The following GNG7 variants were observed in gnomAD, a reference collection of about 807,000 sequenced individuals.
The protein encoded by GNG7 is G protein subunit gamma 7, also known as guanine nucleotide-binding protein G(I)/G(S)/G(O) subunit gamma-7.
A neutral mutation model predicts 4.0 loss-of-function variants in GNG7; 1 was observed. That is an observed-to-expected ratio of 0.25 (90% CI 0.09 to 1.18). The LOEUF (loss-of-function observed/expected upper bound fraction) is 1.18, where lower values mean the gene tolerates loss of function less well. GNG7 is among the 50% of genes most tolerant of loss of function. GNG7 has a pLI of 0.50. For synonymous variants in GNG7, 34 were observed against 36.9 expected, an observed-to-expected ratio of 0.92 and a Z score of 0.29; for missense variants, 86 against 91.9, an observed-to-expected ratio of 0.94 and a Z score of 0.26.
intron 3 of GNG7, among the ~76,000 whole-genome samples, chr19:2,547,221 G>A (rs1979158947): frequency 6.6e-6 from 1 of 152,070 alleles, no homozygotes; most frequent in African/African-American, 2.4e-5. Flanking sequence ...GACGTTCGTT[G>A]TGTCCTGTGA....
At chr19:2,539,754 G>A (rs955875619) in intron 3 of GNG7, among the ~76,000 whole-genome samples, 4 of 152,082 alleles carry the variant, frequency 2.6e-5, no homozygotes, top group African/African-American at 7.2e-5. Flanking sequence ...AAGGGTTTAG[G>A]GAGAACAACC....
intron 2 of GNG7, among the ~76,000 whole-genome samples, chr19:2,625,015 C>T (rs62123738): frequency 0.071 from 10,788 of 152,274 alleles, 445 homozygotes; most frequent in African/African-American, 0.12. Flanking sequence ...GGTTTACCTC[C>T]CTGGGGGCTC....
In GNG7 at chr19:2,614,688, C is replaced by T. The variant is rs1005738727; in HGVS notation, c.-78+31536G>A. Among the ~76,000 whole-genome samples the T allele has an allele frequency of 5.9e-5, 9 of 152,184 alleles. No homozygotes were observed. Among genetic ancestry groups the T allele is most frequent in the South Asian group, 2.1e-4 (1 of 4,834 alleles). The stretch of plus-strand genomic sequence containing the variant: ...GCCACGCTGTTTATCTATTTACCCA[C>T]GGACGGACACTTGGGTCATTTCCAC... On this transcript the variant is annotated intron_variant, in intron 2 of 4. Transcript: ENST00000382159. This position sits in a 1 kb window ranked among gnomAD's most constrained non-coding sequence, Gnocchi z 6.0.
chr19:2,558,191 T>G (rs985690801), intron 2 of GNG7, among the ~76,000 whole-genome samples: 2 of 152,062 alleles, frequency 1.3e-5, no homozygotes, highest in African/African-American at 4.8e-5. Context: ...ATGTGCACAC[T>G]GTATTATTTT....
intron 3 of GNG7, among the ~76,000 whole-genome samples, chr19:2,547,963 G>A (rs1979182473): frequency 6.6e-6 from 1 of 152,198 alleles, no homozygotes. Flanking sequence ...CATGGCCAAG[G>A]ATGGACCTCG....
chr19:2,593,017 G>C (rs982704201), intron 2 of GNG7, among the ~76,000 whole-genome samples: 1 of 147,776 alleles, frequency 6.8e-6, no homozygotes, highest in Non-Finnish European at 1.5e-5. Context: ...GGGAAAAAAA[G>C]AAAGAAGAAA....
chr19:2,699,555 C>T (rs1913350549), intron 1 of GNG7, among the ~76,000 whole-genome samples: 1 of 152,206 alleles, frequency 6.6e-6, no homozygotes, highest in Admixed American at 6.5e-5. Flanking sequence ...TCTGAATGAC[C>T]CCACTTCCTG....
chr19:2,520,820 A>G, intron 3 of GNG7, 95 bp from the exon 4 acceptor site: 2 of 609,148 alleles, frequency 3.3e-6, no homozygotes, highest in Non-Finnish European at 3.0e-6. Flanking sequence ...TCCCGACTCT[A>G]GGCACGGCCA....
chr19:2,547,787 A>G (rs527997334), intron 3 of GNG7, among the ~76,000 whole-genome samples: 48 of 152,280 alleles, frequency 3.2e-4, no homozygotes, highest in African/African-American at 1.1e-3. Flanking sequence ...CCCAGGGCCG[A>G]TCTCCTTCCC....
At chr19:2,541,290 A>T (rs1978954629) in intron 3 of GNG7, among the ~76,000 whole-genome samples, 1 of 152,140 alleles carries the variant, frequency 6.6e-6, no homozygotes, top group Non-Finnish European at 1.5e-5. Flanking sequence ...GGGGCAACAC[A>T]GTGAGACCCT....
At chr19:2,537,458 A>G (rs1350245291) in intron 3 of GNG7, among the ~76,000 whole-genome samples, 8 of 151,916 alleles carry the variant, frequency 5.3e-5, no homozygotes, top group Admixed American at 5.3e-4. Context: ...TATGTTGCCC[A>G]GGCTGGTCTC....
chr19:2,668,857 G>A (rs938793976), intron 1 of GNG7, among the ~76,000 whole-genome samples: 20 of 152,116 alleles, frequency 1.3e-4, no homozygotes, highest in Non-Finnish European at 1.9e-4. Flanking sequence ...GCAGGGTGCT[G>A]AGGAGCATCC....
At chr19:2,652,543 C>T (rs1223961896) in intron 1 of GNG7, among the ~76,000 whole-genome samples, 2 of 152,116 alleles carry the variant, frequency 1.3e-5, no homozygotes, top group African/African-American at 4.8e-5. Context: ...CGCTTGAACC[C>T]GAGAGGCAGA....
chr19:2,638,154 G>A (rs766865527), intron 2 of GNG7, among the ~76,000 whole-genome samples: 9 of 151,944 alleles, frequency 5.9e-5, no homozygotes, highest in Non-Finnish European at 1.2e-4. Flanking sequence ...CACGAGGTCA[G>A]GAGTTCAAGA....
At position 2,670,928 on chromosome 19, in the gene GNG7, C is replaced by T. The variant is rs1485283984; in HGVS notation, c.-134-24648G>A. ...CCTGCTGAGGTCCCAGGAGGCTGCA[C>T]ATATTGATATCCCCACCCTGAGTGG... On this transcript the variant is annotated intron_variant, in intron 1 of 4. Transcript: ENST00000382159. Among the ~76,000 whole-genome samples the T allele has an allele frequency of 2.6e-5, 4 of 152,160 alleles. No homozygotes were observed. The East Asian group carries it at 5.8e-4, about 22-fold the overall frequency.
intron 2 of GNG7, among the ~76,000 whole-genome samples, chr19:2,595,828 G>A (rs942070025): frequency 6.6e-6 from 1 of 152,068 alleles, no homozygotes. Flanking sequence ...ACGTATCTAT[G>A]TGAGTGTGCA....
chr19:2,621,858 A>T (rs1445260263), intron 2 of GNG7, among the ~76,000 whole-genome samples: 1 of 152,120 alleles, frequency 6.6e-6, no homozygotes, highest in Non-Finnish European at 1.5e-5. Flanking sequence ...TGTAGCGCCC[A>T]GGGGAGCACA....
chr19:2,613,753 G>A (rs1981640579), intron 2 of GNG7, among the ~76,000 whole-genome samples: 2 of 151,584 alleles, frequency 1.3e-5, no homozygotes, highest in South Asian at 2.1e-4. Context: ...AGGCCAGGAC[G>A]CCACTCAGCA....
chr19:2,651,461 CTT>C (rs1024421215), intron 1 of GNG7, among the ~76,000 whole-genome samples: 47 of 145,786 alleles, frequency 3.2e-4, no homozygotes, highest in African/African-American at 9.7e-4. Context: ...TCCTCCCTCT[CTT>C]TCTCTTTTTC....
Sources: allele counts gnomAD v4.1 joint callset (sites outside exome capture counted in the v4.1 genomes callset), GRCh38; gene constraint gnomAD v4.1.1; non-coding constraint Gnocchi (gnomAD v3.1); transcripts MANE v1.5; gene names NCBI Gene and HGNC (gene_info 2026-07-23, HGNC 2026-07-21).